ZBTB16: variants seen among roughly 807,000 people sequenced by gnomAD.
ZBTB16 encodes the protein zinc finger and BTB domain containing 16.
Under a neutral mutation model 56.8 loss-of-function variants are expected in ZBTB16, and 8 were observed. The ratio of observed to expected loss-of-function variants is 0.14; its 90% CI spans 0.08 to 0.25. ZBTB16 has a LOEUF of 0.25. Among genes scored for constraint, ZBTB16 ranks in the 10% least tolerant of loss-of-function variants. ZBTB16 has a pLI of 1.00. For synonymous variants in ZBTB16, 363 were observed against 368.5 expected, an observed-to-expected ratio of 0.98 and a Z score of 0.17; for missense variants, 625 against 903.0, an observed-to-expected ratio of 0.69 and a Z score of 3.95.
intron 4 of ZBTB16, among the ~76,000 whole-genome samples, chr11:114,197,757 G>A (rs1268217161): frequency 6.6e-6 from 1 of 152,088 alleles, no homozygotes; most frequent in African/African-American, 2.4e-5. Flanking sequence ...GTCTCGCTCT[G>A]TCGCCCAGGC....
At chr11:114,190,921 G>A (rs989758511) in intron 4 of ZBTB16, among the ~76,000 whole-genome samples, 1 of 152,192 alleles carries the variant, frequency 6.6e-6, no homozygotes, top group African/African-American at 2.4e-5. Context: ...CATGATGCTG[G>A]CATCTGCTCA....
At chr11:114,230,156 T>C (rs558733439) in intron 4 of ZBTB16, among the ~76,000 whole-genome samples, 1 of 152,344 alleles carries the variant, frequency 6.6e-6, no homozygotes, top group Non-Finnish European at 1.5e-5. Context: ...GCTCGATTTA[T>C]TGTTTATTCC....
intron 5 of ZBTB16, among the ~76,000 whole-genome samples, chr11:114,244,147 A>G (rs1476501477): frequency 1.3e-5 from 2 of 152,190 alleles, no homozygotes; most frequent in Non-Finnish European, 2.9e-5. Flanking sequence ...CCGGGTGTTT[A>G]GCATCAGCAG....
chr11:114,195,170 G>A (rs1434672395), intron 4 of ZBTB16, among the ~76,000 whole-genome samples: 1 of 152,222 alleles, frequency 6.6e-6, no homozygotes, highest in Non-Finnish European at 1.5e-5. Context: ...ATCCGGTGGT[G>A]TTAATTAGAG....
In ZBTB16 at chr11:114,251,140, C is replaced by T. The variant is rs1038126926; in HGVS notation, c.*585C>T. 6.6e-6 allele frequency among the ~76,000 whole-genome samples: 1 copy of T among 152,142 alleles called. No homozygotes were observed. Among genetic ancestry groups the T allele is most frequent in the African/African-American group, 2.4e-5 (1 of 41,424 alleles). On this transcript the variant is annotated 3_prime_UTR_variant, in exon 7 of 7. Coordinates refer to ENST00000335953, the MANE Select transcript of ZBTB16 (RefSeq NM_006006.6). The stretch of plus-strand genomic sequence containing the variant: ...CCTGCTGCTTTCCTCTGCTTTGCCA[C>T]ATCTGGGTGTCCCCCGGTGGTCTCT...
At chr11:114,082,076 G>A (rs1939783571) in intron 2 of ZBTB16, among the ~76,000 whole-genome samples, 1 of 137,936 alleles carries the variant, frequency 7.2e-6, no homozygotes, top group Non-Finnish European at 1.5e-5. Flanking sequence ...GAGGCCAGAA[G>A]TTTGAGACTG....
At chr11:114,242,577 A>G (rs1944732355) in intron 5 of ZBTB16, among the ~76,000 whole-genome samples, 1 of 152,152 alleles carries the variant, frequency 6.6e-6, no homozygotes, top group Admixed American at 6.5e-5. Flanking sequence ...TTAAAAAGGC[A>G]GGCTCTTGGG....
chr11:114,174,041 T>C (rs1943041290), intron 3 of ZBTB16, among the ~76,000 whole-genome samples: 1 of 152,230 alleles, frequency 6.6e-6, no homozygotes, highest in Admixed American at 6.5e-5. Flanking sequence ...TTTGAACTCA[T>C]TCCTCTCTAT....
rs143870015 is a variant in ZBTB16 at position 114,207,658 on chromosome 11, G to A, written c.1453+20620G>A. Among the ~76,000 whole-genome samples the A allele has an allele frequency of 3.2e-3, 492 of 151,562 alleles. 14 individuals carry two copies. The highest frequency in any genetic ancestry group is 4.9e-4 in the Non-Finnish European group (33 of 67,976). On this transcript the variant is annotated intron_variant, in intron 4 of 6. Coordinates refer to ENST00000335953, the MANE Select transcript of ZBTB16 (RefSeq NM_006006.6). ...AGGCAGAGTTTCACTTTGTCACCCA[G>A]GCTGTAGTGCAGTGGCAAGATCTCA...
intron 2 of ZBTB16, among the ~76,000 whole-genome samples, chr11:114,105,868 G>T (rs184343979): frequency 6.6e-6 from 1 of 152,126 alleles, no homozygotes; most frequent in Non-Finnish European, 1.5e-5. Context: ...TAATACAGAG[G>T]GATTGGGGTA....
intron 4 of ZBTB16, among the ~76,000 whole-genome samples, chr11:114,218,784 G>A (rs1196178270): frequency 1.3e-5 from 2 of 152,168 alleles, no homozygotes; most frequent in African/African-American, 4.8e-5. Flanking sequence ...TGTAGAGACT[G>A]TAAAAATTAA....
chr11:114,178,860 A>G (rs565039461), intron 3 of ZBTB16, among the ~76,000 whole-genome samples: 109 of 152,326 alleles, frequency 7.2e-4, no homozygotes, highest in African/African-American at 2.4e-3. Context: ...TTAGCCACAC[A>G]TGAGGTGTCA....
intron 4 of ZBTB16, among the ~76,000 whole-genome samples, chr11:114,193,669 C>G (rs1008168942): frequency 6.6e-6 from 1 of 152,066 alleles, no homozygotes; most frequent in Non-Finnish European, 1.5e-5. Context: ...TGCCTGATGA[C>G]AGGGAGCGCT....
intron 2 of ZBTB16, among the ~76,000 whole-genome samples, chr11:114,148,336 G>GCTTCCTTC (rs1202157247): frequency 0.03 from 1,587 of 52,108 alleles, 56 homozygotes; most frequent in East Asian, 0.098. Context: ...TGGCTGGCTG[G>GCTTCCTTC]CTTCCTTCCT....
chr11:114,124,746 T>G (rs1941455350), intron 2 of ZBTB16, among the ~76,000 whole-genome samples: 1 of 152,170 alleles, frequency 6.6e-6, no homozygotes, highest in African/African-American at 2.4e-5. Flanking sequence ...TGAAAATCTC[T>G]CCGTTCTAAT....
intron 4 of ZBTB16, among the ~76,000 whole-genome samples, chr11:114,212,400 C>T (rs1944015927): frequency 1.3e-5 from 2 of 152,142 alleles, no homozygotes; most frequent in African/African-American, 4.8e-5. Context: ...TTCTTGTCCA[C>T]TCCTGTCTGG....
chr11:114,217,584 T>A (rs1232703142), intron 4 of ZBTB16, among the ~76,000 whole-genome samples: 1 of 151,932 alleles, frequency 6.6e-6, no homozygotes, highest in African/African-American at 2.4e-5. Flanking sequence ...GATATTCAGG[T>A]TGAATATAAG....
At chr11:114,095,236 TTTTCTTTTC>T (rs1214772514) in intron 2 of ZBTB16, among the ~76,000 whole-genome samples, 11 of 88,164 alleles carry the variant, frequency 1.2e-4, no homozygotes, top group African/African-American at 4.8e-4. Context: ...ATTTCTTTTC[TTTTCTTTTC>T]TTTTTTTTTT....
At chr11:114,186,171 G>T in intron 3 of ZBTB16, among the ~76,000 whole-genome samples, 1 of 152,138 alleles carries the variant, frequency 6.6e-6, no homozygotes, top group East Asian at 1.9e-4. Flanking sequence ...GTTGATGTAT[G>T]AATGACGAAC....
Sources: gnomAD v4.1 joint callset for allele counts (sites outside exome capture counted in the v4.1 genomes callset) on GRCh38, gnomAD v4.1.1 for gene constraint, MANE v1.5 for transcripts, NCBI Gene and HGNC (gene_info 2026-07-23, HGNC 2026-07-21) for gene names.